The following TRIM71 variants were observed in gnomAD, a reference collection of about 807,000 sequenced individuals.
TRIM71 encodes the protein E3 ubiquitin-protein ligase TRIM71.
TRIM71 carries 9 observed loss-of-function variants against 61.2 expected under a neutral mutation model. That is an observed-to-expected ratio of 0.15 (90% CI 0.09 to 0.26). The LOEUF is 0.26. Among genes scored for constraint, TRIM71 ranks in the 10% least tolerant of loss-of-function variants. TRIM71 has a pLI of 1.00. For missense variants in TRIM71, 998 were observed against 1,238.7 expected (o/e 0.81, Z 2.92); for synonymous variants, 645 against 553.2 (o/e 1.17, Z -2.33).
At chr3:32,874,993 C>T (rs1696839801) in intron 2 of TRIM71, among the ~76,000 whole-genome samples, 1 of 151,740 alleles carries the variant, frequency 6.6e-6, no homozygotes, top group Non-Finnish European at 1.5e-5. Flanking sequence ...GCTAATTTTT[C>T]TATTTTTAGT....
Position 32,818,572 on chromosome 3 carries a change from G to A in TRIM71, c.492G>A (p.Ala164=). The A allele has an allele frequency of 1.6e-6, 2 of 1,272,508 alleles. No individual in the cohort carries two copies. Among genetic ancestry groups the A allele is most frequent in the Non-Finnish European group, 2.0e-6 (2 of 1,017,710 alleles). The allele number at this position is 1,272,508 out of a possible 1,614,324, so 78.8% of individuals were successfully genotyped here. The change falls in exon 1 of 4, where the codon GCG becomes GCA. Residue 164 remains alanine (A), a synonymous_variant. Transcript: ENST00000383763. Reference sequence around the variant, plus strand: ...CGCACCCGCGCGCGTCCGCCTCCGCGCCGCCACTCCCGCAGGCGCCGCAGC... The same window carrying A: ...CGCACCCGCGCGCGTCCGCCTCCGCACCGCCACTCCCGCAGGCGCCGCAGC... ...HHAHPRASAS[A]PPLPQAPQPP...
At position 32,873,814 on chromosome 3, in the gene TRIM71, C is replaced by G; in HGVS notation, c.853-4C>G. Reference sequence around the variant, plus strand: ...TTTATGCCTGTACCCTCTCTTGTCCCCAGGTGCTGCACCTGTACTGTGACA... The same window carrying G: ...TTTATGCCTGTACCCTCTCTTGTCCGCAGGTGCTGCACCTGTACTGTGACA... On this transcript the variant is annotated splice_region_variant and splice_polypyrimidine_tract_variant and intron_variant, in intron 1 of 3. Coordinates refer to ENST00000383763, the MANE Select transcript of TRIM71 (RefSeq NM_001039111.3). The G allele has an allele frequency of 1.3e-6, 2 of 1,559,082 alleles. No individual in the cohort carries two copies. The highest frequency in any genetic ancestry group is 2.7e-5 in the African/African-American group (2 of 74,154).
intron 1 of TRIM71, among the ~76,000 whole-genome samples, chr3:32,867,407 ATTATT>A (rs1185665875): frequency 6.6e-6 from 1 of 152,182 alleles, no homozygotes; most frequent in Non-Finnish European, 1.5e-5. Context: ...AGTTTTTAAA[ATTATT>A]TTATTGACAA....
At chr3:32,841,438 G>C (rs1649483854) in intron 1 of TRIM71, among the ~76,000 whole-genome samples, 1 of 152,120 alleles carries the variant, frequency 6.6e-6, no homozygotes, top group Non-Finnish European at 1.5e-5. Context: ...AGCACTTTGG[G>C]AGGCCAAGGT....
At chr3:32,884,794 C>G (rs545477417) in intron 2 of TRIM71, among the ~76,000 whole-genome samples, 23 of 152,242 alleles carry the variant, frequency 1.5e-4, no homozygotes, top group African/African-American at 5.3e-4. Context: ...GACACAATGG[C>G]TGAACTTTTG....
At chr3:32,850,442 G>A (rs1243261163) in intron 1 of TRIM71, among the ~76,000 whole-genome samples, 4 of 152,122 alleles carry the variant, frequency 2.6e-5, no homozygotes, top group Admixed American at 6.5e-5. Flanking sequence ...GATATTGTAT[G>A]TCTTGACTGG....
intron 1 of TRIM71, among the ~76,000 whole-genome samples, chr3:32,829,456 CGT>C (rs1696241055): frequency 6.6e-6 from 1 of 152,086 alleles, no homozygotes; most frequent in African/African-American, 2.4e-5. Context: ...GGATTACAGG[CGT>C]GAGCCACGAT....
chr3:32,875,967 G>A (rs1696848335), intron 2 of TRIM71, among the ~76,000 whole-genome samples: 1 of 152,200 alleles, frequency 6.6e-6, no homozygotes, highest in Non-Finnish European at 1.5e-5. Flanking sequence ...CTTTTCTGAT[G>A]AGTCAGATTT....
intron 1 of TRIM71, among the ~76,000 whole-genome samples, chr3:32,855,594 G>A (rs759041664): frequency 2.6e-5 from 4 of 152,162 alleles, no homozygotes; most frequent in Admixed American, 6.5e-5. Flanking sequence ...TCAGCCTGTC[G>A]GTTCTCTGGA....
At chr3:32,868,919 A>G (rs570768700) in intron 1 of TRIM71, among the ~76,000 whole-genome samples, 1 of 152,292 alleles carries the variant, frequency 6.6e-6, no homozygotes, top group South Asian at 2.1e-4. Flanking sequence ...GTGGGGCAGC[A>G]CGTGGCCAGG....
chr3:32,860,758 G>T (rs1280010821), intron 1 of TRIM71, among the ~76,000 whole-genome samples: 4 of 152,180 alleles, frequency 2.6e-5, no homozygotes, highest in East Asian at 1.9e-4. Flanking sequence ...AGGCTGCCTG[G>T]CCTGGCCTGG....
rs182407664 is a variant in TRIM71 at position 32,824,486 on chromosome 3, C to T, written c.852+5554C>T. Among the ~76,000 whole-genome samples the T allele has an allele frequency of 7.5e-3, 1,133 of 151,426 alleles. 19 individuals carry two copies. The highest frequency in any genetic ancestry group is 0.026 in the African/African-American group (1,067 of 41,232). ...GGGATTGATTACAGGCAAGAGCCAC[C>T]GCGCCTGGCCCTAGTCCTTTTCTTA... On this transcript the variant is annotated intron_variant, in intron 1 of 3. Coordinates refer to ENST00000383763, the MANE Select transcript of TRIM71 (RefSeq NM_001039111.3).
intron 1 of TRIM71, among the ~76,000 whole-genome samples, chr3:32,858,094 A>G (rs539490920): frequency 9.9e-5 from 15 of 152,206 alleles, no homozygotes; most frequent in East Asian, 7.7e-4. Flanking sequence ...GAGAGAGAGG[A>G]GGGTTTAGTC....
chr3:32,880,252 C>G (rs1338504162), intron 2 of TRIM71, among the ~76,000 whole-genome samples: 1 of 151,946 alleles, frequency 6.6e-6, no homozygotes, highest in African/African-American at 2.4e-5. Flanking sequence ...TCTTCTCAAA[C>G]TCATGGTGTC....
intron 2 of TRIM71, among the ~76,000 whole-genome samples, chr3:32,880,114 C>A (rs191937947): frequency 1.6e-4 from 25 of 152,000 alleles, no homozygotes; most frequent in Non-Finnish European, 2.9e-4. Context: ...AGTGACAGAT[C>A]TTGGCTCACT....
intron 1 of TRIM71, among the ~76,000 whole-genome samples, chr3:32,821,846 C>G (rs1696138212): frequency 6.6e-6 from 1 of 151,748 alleles, no homozygotes; most frequent in African/African-American, 2.4e-5. Flanking sequence ...AGCCCGGAGC[C>G]TGCCTCGGCT....
At chr3:32,873,491 C>T (rs1696820301) in intron 1 of TRIM71, among the ~76,000 whole-genome samples, 1 of 152,186 alleles carries the variant, frequency 6.6e-6, no homozygotes, top group Admixed American at 6.5e-5. Flanking sequence ...GGCAAACTCT[C>T]ATGCCAGGAG....
chr3:32,896,622 C>T lies in TRIM71; in HGVS notation c.*4811C>T, dbSNP rs1006610775. On this transcript the variant is annotated 3_prime_UTR_variant, in exon 4 of 4. Transcript: ENST00000383763. ...TATAAATGTCATGGTGAAGAAATACCTCAATGATGTCTATTTTTAAAACTG... is the reference window on the plus strand; with the variant it reads ...TATAAATGTCATGGTGAAGAAATACTTCAATGATGTCTATTTTTAAAACTG... 3.3e-5 allele frequency: 5 copies of T among 152,128 alleles called. No homozygotes were observed. Among genetic ancestry groups the T allele is most frequent in the South Asian group, 2.1e-4 (1 of 4,828 alleles). The allele number at this position is 152,128 out of a possible 1,614,324, so 9.4% of individuals were successfully genotyped here. A position where few individuals can be genotyped will look rare whatever the true frequency, so the allele number is the denominator to read the frequency against.
chr3:32,842,713 C>A (rs1032208366), intron 1 of TRIM71, among the ~76,000 whole-genome samples: 1 of 13,148 alleles, frequency 7.6e-5, no homozygotes, highest in Non-Finnish European at 8.4e-4. Context: ...TTATTCATGT[C>A]CCCTTATACA....
Sources: allele counts gnomAD v4.1 joint callset (sites outside exome capture counted in the v4.1 genomes callset), GRCh38; gene constraint gnomAD v4.1.1; transcripts MANE v1.5; gene names NCBI Gene and HGNC (gene_info 2026-07-23, HGNC 2026-07-21).